ADGRL3: variants seen among roughly 807,000 people sequenced by gnomAD.
ADGRL3 encodes calcium-independent alpha-latrotoxin receptor 3.
Under a neutral mutation model 153.5 loss-of-function variants are expected in ADGRL3, and 62 were observed. That is an observed-to-expected ratio of 0.40 (90% CI 0.33 to 0.50). ADGRL3 has a LOEUF of 0.50. ADGRL3 is among the 20% of genes least tolerant of loss of function. The pLI is 0.47. For synonymous variants in ADGRL3, 710 were observed against 672.5 expected (o/e 1.06, Z -0.86); for missense variants, 1,641 against 1,859.4 (o/e 0.88, Z 2.16).
Position 62,007,395 on chromosome 4 carries a change from C to CATAT in ADGRL3, c.3395+9138_3395+9141dup, listed in dbSNP as rs112126943. ...ATATATATATATATACACACACACA[C>CATAT]ATATATATATACACGTATATATATA... On this transcript the variant is annotated intron_variant, in intron 21 of 26. Coordinates refer to ENST00000683033, the MANE Select transcript of ADGRL3 (RefSeq NM_001387552.1). Among the ~76,000 whole-genome samples, 27 of 76,454 alleles carry CATAT rather than the reference C, an allele frequency of 3.5e-4. 2 individuals are homozygous for CATAT. Among genetic ancestry groups the CATAT allele is most frequent in the African/African-American group, 1.2e-3 (22 of 19,026 alleles). The allele number at this position is 76,454 out of a possible 152,430, so 50.2% of individuals were successfully genotyped here.
chr4:61,215,492 C>T (rs1370100126), intron 1 of ADGRL3, among the ~76,000 whole-genome samples: 1 of 150,876 alleles, frequency 6.6e-6, no homozygotes, highest in Non-Finnish European at 1.5e-5. Flanking sequence ...AAGTAACTTG[C>T]CCAAAGTTAC....
At chr4:61,939,306 G>C (rs758410850) in intron 15 of ADGRL3, among the ~76,000 whole-genome samples, 5 of 152,094 alleles carry the variant, frequency 3.3e-5, no homozygotes, top group Non-Finnish European at 7.3e-5. Flanking sequence ...TTGGGAATTT[G>C]ACAGTTGTAC....
chr4:61,690,564 G>A (rs1161873967), intron 6 of ADGRL3, among the ~76,000 whole-genome samples: 2 of 152,070 alleles, frequency 1.3e-5, no homozygotes, highest in African/African-American at 2.4e-5. Context: ...TCCTTGACTT[G>A]CTGTCTCCCA....
At chr4:61,758,457 C>G (rs2096866614) in intron 8 of ADGRL3, among the ~76,000 whole-genome samples, 1 of 152,128 alleles carries the variant, frequency 6.6e-6, no homozygotes, top group Non-Finnish European at 1.5e-5. Flanking sequence ...CTCTTTTGAT[C>G]TTTGTTGGTT....
intron 1 of ADGRL3, among the ~76,000 whole-genome samples, chr4:61,225,239 C>T (rs1397086872): frequency 2.0e-5 from 3 of 152,186 alleles, no homozygotes; most frequent in East Asian, 1.9e-4. Context: ...GGAACAGTCA[C>T]GTTCCTTTAG....
intron 1 of ADGRL3, among the ~76,000 whole-genome samples, chr4:61,245,299 T>C (rs1333978062): frequency 1.3e-5 from 2 of 152,076 alleles, no homozygotes; most frequent in Non-Finnish European, 2.9e-5. Context: ...GGCAGCTCCC[T>C]TTCTCATCTA....
chr4:61,337,483 T>C (rs1308235410), intron 1 of ADGRL3, among the ~76,000 whole-genome samples: 1 of 152,190 alleles, frequency 6.6e-6, no homozygotes, highest in African/African-American at 2.4e-5. Flanking sequence ...GTGCCTCAGC[T>C]TTCCGGCCAT....
chr4:61,914,129 G>A (rs575136079), intron 13 of ADGRL3, among the ~76,000 whole-genome samples: 1 of 152,184 alleles, frequency 6.6e-6, no homozygotes, highest in South Asian at 2.1e-4. Flanking sequence ...GCTTTCTTTG[G>A]ATATACTCTC....
intron 6 of ADGRL3, among the ~76,000 whole-genome samples, chr4:61,706,413 G>A (rs1347335284): frequency 5.5e-5 from 7 of 127,444 alleles, no homozygotes; most frequent in Admixed American, 3.4e-4. Flanking sequence ...GTGACAGAGT[G>A]AGACTCCCTC....
intron 9 of ADGRL3, among the ~76,000 whole-genome samples, chr4:61,814,187 G>A (rs963707554): frequency 3.3e-5 from 5 of 150,644 alleles, no homozygotes; most frequent in Admixed American, 6.6e-5. Context: ...CCAGATAACC[G>A]TTAACTTTTT....
At chr4:62,036,769 ATGT>A (rs1184651852) in intron 23 of ADGRL3, among the ~76,000 whole-genome samples, 1 of 152,060 alleles carries the variant, frequency 6.6e-6, no homozygotes, top group Non-Finnish European at 1.5e-5. Flanking sequence ...TATATACATG[ATGT>A]TGTTTCATAA....
intron 4 of ADGRL3, among the ~76,000 whole-genome samples, chr4:61,573,648 A>T (rs892519902): frequency 6.6e-6 from 1 of 151,974 alleles, no homozygotes; most frequent in African/African-American, 2.4e-5. Context: ...CAATTTGTCA[A>T]CTAGAATATC....
chr4:61,643,348 G>T lies in ADGRL3; in HGVS notation c.474-33478G>T, dbSNP rs2093785841. 2.6e-5 allele frequency among the ~76,000 whole-genome samples: 4 copies of T among 151,816 alleles called. No individual in the cohort carries two copies. In the South Asian group the frequency reaches 8.3e-4, roughly 32 times the overall value. The stretch of plus-strand genomic sequence containing the variant: ...ATGTTGAGTAGGAGTGGTGAGAGAG[G>T]GCATCCCTGTCTTGTGCCAGTTTTC... On this transcript the variant is annotated intron_variant, in intron 5 of 26. Transcript: ENST00000683033.
chr4:61,775,707 G>C (rs1030294056), intron 8 of ADGRL3: 1 of 1,303,676 alleles, frequency 7.7e-7, no homozygotes, highest in Non-Finnish European at 1.1e-6. Context: ...GCACACAAAG[G>C]TGGGCTTGGT....
intron 9 of ADGRL3, among the ~76,000 whole-genome samples, chr4:61,844,575 A>AAAAAAAAAAAATTTATATATAT (rs1554045137): frequency 5.5e-5 from 1 of 18,096 alleles, no homozygotes; most frequent in African/African-American, 2.6e-4. Context: ...AAAAAAAAAA[A>AAAAAAAAAAAATTTATATATAT]ATATATATAT....
At chr4:61,525,275 T>C (rs1038108729) in intron 4 of ADGRL3, among the ~76,000 whole-genome samples, 1 of 152,076 alleles carries the variant, frequency 6.6e-6, no homozygotes, top group Admixed American at 6.6e-5. Context: ...TTTGCAAGCA[T>C]AGATGAGAGG....
At position 61,998,255 on chromosome 4, in the gene ADGRL3, G is replaced by A. The variant is rs768877827; in HGVS notation, c.3385G>A (p.Asp1129Asn). The A allele has an allele frequency of 6.4e-7, 1 of 1,550,560 alleles. No homozygotes were observed. Among genetic ancestry groups the A allele is most frequent in the Non-Finnish European group, 8.7e-7 (1 of 1,143,904 alleles). The change falls in exon 21 of 27, where the codon GAT becomes AAT. Residue 1129 changes from aspartate (D) to asparagine (N), a missense_variant. This residue lies in a region of ADGRL3 where 517 missense variants were observed against 555.0 expected (regional missense o/e 0.93). Coordinates refer to ENST00000683033, the MANE Select transcript of ADGRL3 (RefSeq NM_001387552.1). ...ACTGAAACCTGAATCAGGCTGTCTTGATAACATCAAGTAAGTGATTTTTAT... is the reference window on the plus strand; with the variant it reads ...ACTGAAACCTGAATCAGGCTGTCTTAATAACATCAAGTAAGTGATTTTTAT... ...AILKPESGCL[D>N]NINYEDNRPF... is the part of the protein sequence containing the mutation.
chr4:61,354,758 A>G (rs1441748874), intron 1 of ADGRL3, among the ~76,000 whole-genome samples: 2 of 152,186 alleles, frequency 1.3e-5, no homozygotes, highest in Non-Finnish European at 2.9e-5. Context: ...ATGATTTATT[A>G]GTAATTCCAA....
In ADGRL3 at chr4:61,694,176, ATTATTTTTT is replaced by A. The variant is rs1561075151; in HGVS notation, c.583+17244_583+17252del. ...TCCTATACTATTTTAAAATTTTGTCATTATTTTTTTTTTTTTTTTTTTTTTTTTTTTTTT... is the reference window on the plus strand; with the variant it reads ...TCCTATACTATTTTAAAATTTTGTCATTTTTTTTTTTTTTTTTTTTTTTTT... On this transcript the variant is annotated intron_variant, in intron 6 of 26. Coordinates refer to ENST00000683033, the MANE Select transcript of ADGRL3 (RefSeq NM_001387552.1). Among the ~76,000 whole-genome samples the A allele has an allele frequency of 3.0e-4, 28 of 94,690 alleles. 1 individual carries two copies. Among genetic ancestry groups the A allele is most frequent in the Non-Finnish European group, 4.2e-4 (18 of 43,046 alleles). The allele number at this position is 94,690 out of a possible 152,430, so 62.1% of individuals were successfully genotyped here. A position where few individuals can be genotyped will look rare whatever the true frequency, so the allele number is the denominator to read the frequency against.
Sources: gnomAD v4.1 joint callset for allele counts (sites outside exome capture counted in the v4.1 genomes callset) on GRCh38, gnomAD v4.1.1 for gene constraint, gnomAD v4.1.1 regional missense constraint, MANE v1.5 for transcripts, NCBI Gene and HGNC (gene_info 2026-07-23, HGNC 2026-07-21) for gene names.